RFX1: variants seen among roughly 807,000 people sequenced by gnomAD.
The protein encoded by RFX1 is MHC class II regulatory factor RFX1.
Under a neutral mutation model 119.6 loss-of-function variants are expected in RFX1, and 42 were observed. That is an observed-to-expected ratio of 0.35 (90% CI 0.27 to 0.45). RFX1 has a LOEUF of 0.45. RFX1 is among the 20% of genes least tolerant of loss of function. The pLI is 1.00. For missense variants in RFX1, 1,118 were observed against 1,368.1 expected (o/e 0.82, Z 2.88); for synonymous variants, 628 against 618.5 (o/e 1.02, Z -0.23).
chr19:14,003,521 G>C (rs1232756745), intron 1 of RFX1, among the ~76,000 whole-genome samples: 1 of 152,004 alleles, frequency 6.6e-6, no homozygotes, highest in Non-Finnish European at 1.5e-5. Flanking sequence ...TCCGAGGGTT[G>C]AACAGGAAGC....
rs1973668390 is a variant in RFX1 at position 13,961,737 on chromosome 19, C to T, written c.*958G>A. The T allele has an allele frequency of 1.3e-5, 2 of 152,310 alleles. No homozygotes were observed. The highest frequency in any genetic ancestry group is 4.8e-5 in the African/African-American group (2 of 41,396). The allele number at this position is 152,310 out of a possible 1,614,324, so 9.4% of individuals were successfully genotyped here. On this transcript the variant is annotated 3_prime_UTR_variant, in exon 21 of 21. Coordinates refer to ENST00000254325, the MANE Select transcript of RFX1 (RefSeq NM_002918.5). ...GATTTTTATACAATAGGTCAGATTTCCATTTTTTTTTCCTTTTTCTTGCCA... is the reference window on the plus strand; with the variant it reads ...GATTTTTATACAATAGGTCAGATTTTCATTTTTTTTTCCTTTTTCTTGCCA...
intron 2 of RFX1, among the ~76,000 whole-genome samples, chr19:13,991,714 C>T (rs1292369946): frequency 2.0e-5 from 3 of 151,832 alleles, no homozygotes; most frequent in East Asian, 1.9e-4. Flanking sequence ...CAGGCTGGAG[C>T]GCAGTGGCAC....
chr19:13,993,634 G>T lies in RFX1; in HGVS notation c.210C>A (p.Gly70=). 1 of 1,607,286 alleles carries T rather than the reference G, an allele frequency of 6.2e-7. No individual in the cohort carries two copies. The highest frequency in any genetic ancestry group is 8.5e-7 in the Non-Finnish European group (1 of 1,176,354). Residue 70 remains glycine, a synonymous_variant, in exon 2 of 21, where the codon GGC becomes GGA. Transcript: ENST00000254325. ...SPQPQAQPPG[G]QKQYVTELPA... is the part of the protein sequence containing the mutation. ...GGAGCTCCGTCACGTACTGCTTCTG[G>T]CCACCCGGTGGCTGTGCCTGGGGCT... is the stretch of plus-strand genomic sequence containing the variant.
intron 2 of RFX1, among the ~76,000 whole-genome samples, chr19:13,987,726 C>T (rs150949639): frequency 7.7e-4 from 117 of 152,310 alleles, no homozygotes; most frequent in Non-Finnish European, 1.2e-3. Context: ...CCCAGTGACC[C>T]TTCTGGGGAC....
rs887581666 is a variant in RFX1, at chr19:13,983,612, C to T, written c.320-17G>A. The stretch of plus-strand genomic sequence containing the variant: ...TGGCACCTTCTGTGGGGAGGGGCCA[C>T]CAGGTCAGTTCTTCCTGCTTTCCCT... On this transcript the variant is annotated splice_polypyrimidine_tract_variant and intron_variant, in intron 2 of 20. Transcript: ENST00000254325. The T allele has an allele frequency of 2.5e-6, 4 of 1,570,452 alleles. No individual in the cohort carries two copies. Among genetic ancestry groups the T allele is most frequent in the Admixed American group, 1.8e-5 (1 of 56,342 alleles).
At chr19:13,999,662 C>T (rs1975148153) in intron 1 of RFX1, among the ~76,000 whole-genome samples, 1 of 149,530 alleles carries the variant, frequency 6.7e-6, no homozygotes, top group South Asian at 2.1e-4. Context: ...TTGTTGAACC[C>T]TGTGTTTTTT....
intron 1 of RFX1, among the ~76,000 whole-genome samples, chr19:13,999,495 G>A (rs1179904706): frequency 1.3e-5 from 2 of 152,220 alleles, no homozygotes; most frequent in Non-Finnish European, 2.9e-5. Flanking sequence ...TGAGCAGGCT[G>A]TGTGCGAATA....
In RFX1 at chr19:13,963,710, C is replaced by T; in HGVS notation, c.2398G>A (p.Val800Met). 1.2e-6 allele frequency: 2 copies of T among 1,602,386 alleles called. No individual in the cohort carries two copies. The highest frequency in any genetic ancestry group is 1.7e-6 in the Non-Finnish European group (2 of 1,176,534). The change falls in exon 18 of 21, where the codon GTG (valine) becomes ATG (methionine). Residue 800 changes from valine (V) to methionine (M), a missense_variant. Val to Met is a conservative substitution (Grantham distance 21). Transcript: ENST00000254325. ...AAGTCCTGCTCCAGCCGCTGCACCA[C>T]GCGGTCCTCGCAGCGGCACACCCAC... Reference protein sequence around the residue: ...ASWVCRCEDRVVQRLEQDFKV... With the variant: ...ASWVCRCEDRMVQRLEQDFKV...
chr19:14,005,658 G>C (rs1268692993), intron 1 of RFX1, among the ~76,000 whole-genome samples: 1 of 152,198 alleles, frequency 6.6e-6, no homozygotes, highest in Admixed American at 6.5e-5. Flanking sequence ...TAAGGATCTG[G>C]AAGGCGGACC....
chr19:13,993,507 C>T lies in RFX1; in HGVS notation c.319+18G>A, dbSNP rs554869889. 1 of 1,602,230 alleles carries T rather than the reference C, an allele frequency of 6.2e-7. No homozygotes were observed. The highest frequency in any genetic ancestry group is 8.5e-7 in the Non-Finnish European group (1 of 1,173,848). On this transcript the variant is annotated intron_variant, in intron 2 of 20. Transcript: ENST00000254325. The stretch of plus-strand genomic sequence containing the variant: ...AACTCTGAGAGGAGTTTTCAGGACA[C>T]ACGAGCGCGGCACTTACCAGAGACA...
chr19:13,994,937 T>TATAAAA (rs1194739757), intron 1 of RFX1, among the ~76,000 whole-genome samples: 3 of 111,504 alleles, frequency 2.7e-5, no homozygotes, highest in African/African-American at 6.7e-5. Flanking sequence ...TATATATATA[T>TATAAAA]AATCATTTTT....
At position 13,993,514 on chromosome 19, in the gene RFX1, G is replaced by A. The variant is rs777396690; in HGVS notation, c.319+11C>T. The A allele has an allele frequency of 8.7e-6, 14 of 1,607,734 alleles. No individual in the cohort carries two copies. The highest frequency in any genetic ancestry group is 1.7e-4 in the Middle Eastern group (1 of 5,778). On this transcript the variant is annotated intron_variant, in intron 2 of 20. Transcript: ENST00000254325. Reference sequence around the variant, plus strand: ...AGAGGAGTTTTCAGGACACACGAGCGCGGCACTTACCAGAGACAGTGACCA... The same window carrying A: ...AGAGGAGTTTTCAGGACACACGAGCACGGCACTTACCAGAGACAGTGACCA...
Position 13,990,781 on chromosome 19 carries a change from C to T in RFX1, c.319+2744G>A, listed in dbSNP as rs1042215413. 4.6e-5 allele frequency among the ~76,000 whole-genome samples: 7 copies of T among 151,612 alleles called. No individual in the cohort carries two copies. The highest frequency in any genetic ancestry group is 1.5e-4 in the African/African-American group (6 of 41,210). The stretch of plus-strand genomic sequence containing the variant: ...GCAGTGAGCCGAGATCCTGCCACTG[C>T]ACTCCAGCCTGGGTGTCAGAGCGAG... On this transcript the variant is annotated intron_variant, in intron 2 of 20. Transcript: ENST00000254325. The surrounding 1 kb of genome is among the most constrained non-coding windows in gnomAD (Gnocchi z 4.1).
At position 13,968,620 on chromosome 19, in the gene RFX1, C is replaced by T. The variant is rs985311368; in HGVS notation, c.1677G>A (p.Pro559=). The change falls in exon 12 of 21, where the codon CCG becomes CCA. Residue 559 remains proline, a synonymous_variant. Coordinates refer to ENST00000254325, the MANE Select transcript of RFX1 (RefSeq NM_002918.5). This position sits in a 1 kb window ranked among gnomAD's most constrained non-coding sequence, Gnocchi z 5.5. ...MTNGVAVGQQ[P]STGLSDISAQ... ...CGCTGATGTCCGACAGCCCCGTGCT[C>T]GGCTGCTGCCCCACCGCCACGCCGT... 23 of 1,613,132 alleles carry T rather than the reference C, an allele frequency of 1.4e-5. No homozygotes were observed. Among genetic ancestry groups the T allele is most frequent in the Admixed American group, 1.3e-4 (8 of 60,014 alleles).
At position 13,984,030 on chromosome 19, in the gene RFX1, G is replaced by T. The variant is rs543882453; in HGVS notation, c.320-435C>A. On this transcript the variant is annotated intron_variant, in intron 2 of 20. Coordinates refer to ENST00000254325, the MANE Select transcript of RFX1 (RefSeq NM_002918.5). ...CTGGGGTGACCCTGGCTTCCCGGGAGTGGAAGCTGCTCGGAGGAGTGGTCC... is the reference window on the plus strand; with the variant it reads ...CTGGGGTGACCCTGGCTTCCCGGGATTGGAAGCTGCTCGGAGGAGTGGTCC... Among the ~76,000 whole-genome samples the T allele has an allele frequency of 5.9e-5, 9 of 152,234 alleles. No individual in the cohort carries two copies. In the South Asian group the frequency reaches 1.9e-3, roughly 32 times the overall value.
At chr19:13,972,198 ATTTTT>A (rs763759891) in intron 9 of RFX1, among the ~76,000 whole-genome samples, 1 of 133,930 alleles carries the variant, frequency 7.5e-6, no homozygotes, top group Non-Finnish European at 1.6e-5. Context: ...AGTAGACAAC[ATTTTT>A]TTTTTTTTTT....
chr19:14,006,335 T>C (rs901029957), upstream of RFX1: 4 of 151,714 alleles, frequency 2.6e-5, no homozygotes, highest in Admixed American at 6.6e-5. Flanking sequence ...CTACCCACCC[T>C]AGTTACGTCA....
At chr19:13,992,908 G>A (rs1974851473) in intron 2 of RFX1, among the ~76,000 whole-genome samples, 1 of 152,186 alleles carries the variant, frequency 6.6e-6, no homozygotes, top group South Asian at 2.1e-4. Flanking sequence ...ATGGCAGGAG[G>A]ATCGCTTGAG....
chr19:13,962,520 C>T lies in RFX1; in HGVS notation c.*175G>A, dbSNP rs904800835. ...TCAGAGTTTGCAGCTGCGGCTCCGC[C>T]CAGCCCACTGATTGTGCCGGCCCCA... is the stretch of plus-strand genomic sequence containing the variant. On this transcript the variant is annotated 3_prime_UTR_variant, in exon 21 of 21. Transcript: ENST00000254325. The T allele has an allele frequency of 1.7e-6, 1 of 586,514 alleles. No homozygotes were observed. The highest frequency in any genetic ancestry group is 2.0e-5 in the African/African-American group (1 of 50,002). The allele number at this position is 586,514 out of a possible 1,614,324, so 36.3% of individuals were successfully genotyped here. A position where few individuals can be genotyped will look rare whatever the true frequency, so the allele number is the denominator to read the frequency against.
Sources: allele counts gnomAD v4.1 joint callset (sites outside exome capture counted in the v4.1 genomes callset), GRCh38; gene constraint gnomAD v4.1.1; non-coding constraint Gnocchi (gnomAD v3.1); transcripts MANE v1.5; gene names NCBI Gene and HGNC (gene_info 2026-07-23, HGNC 2026-07-21).